Variants in ADRA1A observed in about 807,000 individuals in gnomAD.
ADRA1A encodes adrenoceptor alpha 1A.
A neutral mutation model predicts 29.6 loss-of-function variants in ADRA1A; 31 were observed. That is an observed-to-expected ratio of 1.05 (90% CI 0.79 to 1.41). ADRA1A has a LOEUF of 1.41. Among genes scored for constraint, ADRA1A ranks in the 40% most tolerant of loss-of-function variants. ADRA1A has a pLI of 0.00. For missense variants in ADRA1A, 619 were observed against 601.1 expected (o/e 1.03, Z -0.31); for synonymous variants, 311 against 254.3 (o/e 1.22, Z -2.12).
chr8:26,753,564 A>G (rs536495599), downstream of ADRA1A, among the ~76,000 whole-genome samples: 1 of 152,296 alleles, frequency 6.6e-6, no homozygotes, highest in East Asian at 1.9e-4. Context: ...ATACTTATTT[A>G]CTTATTTCCT....
chr8:26,810,320 T>C (rs928770695), intron 2 of ADRA1A, among the ~76,000 whole-genome samples: 2 of 152,132 alleles, frequency 1.3e-5, no homozygotes, highest in Non-Finnish European at 2.9e-5. Flanking sequence ...TGACTATGGG[T>C]TTTTTCCCTT....
Position 26,866,074 on chromosome 8 carries a change from A to T in ADRA1A, c.-686-419T>A, listed in dbSNP as rs1341059061. Among the ~76,000 whole-genome samples the T allele has an allele frequency of 6.6e-6, 1 of 152,062 alleles. No individual in the cohort carries two copies. Among genetic ancestry groups the T allele is most frequent in the African/African-American group, 2.4e-5 (1 of 41,418 alleles). On this transcript the variant is annotated intron_variant, in intron 1 of 2. Transcript: ENST00000380573. The surrounding 1 kb of genome is among the most constrained non-coding windows in gnomAD (Gnocchi z 5.7). ...GAGGATGTACTCGGTTTCCGTTAGA[A>T]CAGGTTGCCTCGCAGTCACCTGGAG...
At chr8:26,811,832 C>T (rs1389735755) in intron 2 of ADRA1A, among the ~76,000 whole-genome samples, 1 of 152,192 alleles carries the variant, frequency 6.6e-6, no homozygotes, top group Non-Finnish European at 1.5e-5. Flanking sequence ...TCACGTGGAA[C>T]GTACTATTTG....
chr8:26,863,376 C>T (rs4732682), intron 2 of ADRA1A, among the ~76,000 whole-genome samples: 66,578 of 152,006 alleles, frequency 0.44, 15,108 homozygotes, highest in South Asian at 0.6. Context: ...GTGTTATCTG[C>T]AACTTCCCGG....
intron 2 of ADRA1A, among the ~76,000 whole-genome samples, chr8:26,839,157 ATTTTTTTTTT>A (rs11352512): frequency 5.0e-5 from 6 of 119,938 alleles, no homozygotes; most frequent in Middle Eastern, 3.8e-3. Flanking sequence ...TCTGTGAAGA[ATTTTTTTTTT>A]TTTTTTTTTT....
intron 2 of ADRA1A, among the ~76,000 whole-genome samples, chr8:26,837,710 G>A (rs1314392045): frequency 6.6e-6 from 1 of 151,904 alleles, no homozygotes; most frequent in Admixed American, 6.6e-5. Flanking sequence ...CCTAACCGGT[G>A]CCCACAGTGG....
intron 2 of ADRA1A, among the ~76,000 whole-genome samples, chr8:26,801,499 A>T (rs1397306917): frequency 6.6e-6 from 1 of 152,204 alleles, no homozygotes; most frequent in Admixed American, 6.5e-5. Context: ...ATATTTAAAA[A>T]GTAATTCTAT....
chr8:26,794,634 G>C (rs1284047335), intron 2 of ADRA1A, among the ~76,000 whole-genome samples: 1 of 151,998 alleles, frequency 6.6e-6, no homozygotes, highest in Non-Finnish European at 1.5e-5. Context: ...TTCTTTGTTT[G>C]ATTGTTAAAA....
chr8:26,760,343 A>G (rs1805437227), intron 2 of ADRA1A, among the ~76,000 whole-genome samples: 1 of 152,190 alleles, frequency 6.6e-6, no homozygotes, highest in Non-Finnish European at 1.5e-5. Context: ...GTGCTCATGA[A>G]GGCTTAGGCT....
At chr8:26,797,695 C>T (rs1271305531) in intron 2 of ADRA1A, among the ~76,000 whole-genome samples, 1 of 152,136 alleles carries the variant, frequency 6.6e-6, no homozygotes, top group Non-Finnish European at 1.5e-5. Flanking sequence ...TACACAAAAA[C>T]TCTTTAATGT....
chr8:26,840,954 T>C (rs472865), intron 2 of ADRA1A, among the ~76,000 whole-genome samples: 134,362 of 152,228 alleles, frequency 0.88, 59,571 homozygotes, highest in African/African-American at 0.94. Flanking sequence ...AAGCCAGTCA[T>C]GATAGCAGGA....
At chr8:26,790,617 CA>C (rs998071771) in intron 2 of ADRA1A, among the ~76,000 whole-genome samples, 1 of 151,972 alleles carries the variant, frequency 6.6e-6, no homozygotes, top group Non-Finnish European at 1.5e-5. Context: ...GTTTCCAACA[CA>C]AAGAAATGAT....
In ADRA1A at chr8:26,805,335, T is replaced by C. The variant is rs10217112; in HGVS notation, c.884-34669A>G. ...GCTAGACAGTAAGTTAACATTGAATTAATATTTCTGGTTTGGATCTACAAG... is the reference window on the plus strand; with the variant it reads ...GCTAGACAGTAAGTTAACATTGAATCAATATTTCTGGTTTGGATCTACAAG... On this transcript the variant is annotated intron_variant, in intron 2 of 2. Transcript: ENST00000380573. This position sits in a 1 kb window ranked among gnomAD's most constrained non-coding sequence, Gnocchi z 4.8. Among the ~76,000 whole-genome samples, 687 of 152,308 alleles carry C rather than the reference T, an allele frequency of 4.5e-3. 7 individuals carry two copies. Among genetic ancestry groups the C allele is most frequent in the Middle Eastern group, 0.017 (5 of 294 alleles).
At position 26,811,015 on chromosome 8, in the gene ADRA1A, A is replaced by G. The variant is rs1447848004; in HGVS notation, c.884-40349T>C. The stretch of plus-strand genomic sequence containing the variant: ...TTTGGAAGTAAATTAATAGAAAAAG[A>G]TGAAGGAACTGCTTTGAATCCATAC... On this transcript the variant is annotated intron_variant, in intron 2 of 2. Transcript: ENST00000380573. Among the ~76,000 whole-genome samples, 6 of 152,340 alleles carry G rather than the reference A, an allele frequency of 3.9e-5. No individual in the cohort carries two copies. The East Asian group carries it at 1.2e-3, about 29-fold the overall frequency.
intron 2 of ADRA1A, among the ~76,000 whole-genome samples, chr8:26,828,326 A>G (rs113456426): frequency 1.3e-5 from 2 of 152,290 alleles, no homozygotes; most frequent in African/African-American, 4.8e-5. Context: ...TGTCTAAACA[A>G]ATACCTCCTA....
At chr8:26,762,331 A>G (rs1407496270), downstream of ADRA1A, among the ~76,000 whole-genome samples, 1 of 152,112 alleles carries the variant, frequency 6.6e-6, no homozygotes, top group Non-Finnish European at 1.5e-5. The surrounding 1 kb of genome is among the most constrained non-coding windows in gnomAD (Gnocchi z 4.0). Flanking sequence ...GGTAAAAGTC[A>G]TTGGGGGCCT....
chr8:26,816,533 ATGTGTG>A (rs59536491), intron 2 of ADRA1A, among the ~76,000 whole-genome samples: 9,948 of 147,538 alleles, frequency 0.067, 643 homozygotes, highest in East Asian at 0.32. Context: ...CTCATGGTGT[ATGTGTG>A]TGTGTGTGTG....
At chr8:26,804,757 A>G (rs1808845173) in intron 2 of ADRA1A, among the ~76,000 whole-genome samples, 1 of 152,230 alleles carries the variant, frequency 6.6e-6, no homozygotes, top group South Asian at 2.1e-4. Flanking sequence ...GTCTCATTGG[A>G]AGAACATATG....
At chr8:26,783,271 G>A (rs57655874) in intron 2 of ADRA1A, among the ~76,000 whole-genome samples, 14,125 of 152,198 alleles carry the variant, frequency 0.093, 968 homozygotes, top group East Asian at 0.33. Flanking sequence ...TAAGTAGGTA[G>A]TAGAGCATGG....
Sources: allele counts gnomAD v4.1 joint callset (sites outside exome capture counted in the v4.1 genomes callset), GRCh38; gene constraint gnomAD v4.1.1; non-coding constraint Gnocchi (gnomAD v3.1); transcripts MANE v1.5; gene names NCBI Gene and HGNC (gene_info 2026-07-23, HGNC 2026-07-21).